The following UNC5D variants were observed in gnomAD, a reference collection of about 807,000 sequenced individuals.
UNC5D encodes the protein unc-5 netrin receptor D, also known as netrin receptor UNC5D.
A neutral mutation model predicts 105.4 loss-of-function variants in UNC5D; 39 were observed. The observed-to-expected ratio is 0.37, with a 90% CI of 0.29 to 0.48. UNC5D has a LOEUF of 0.48. Among genes scored for constraint, UNC5D ranks in the 20% least tolerant of loss-of-function variants. The pLI is 0.98. For synonymous variants in UNC5D, 452 were observed against 450.4 expected (o/e 1.00, Z -0.04); for missense variants, 991 against 1,202.4 (o/e 0.82, Z 2.60).
At chr8:35,291,543 A>G (rs1807068548) in intron 1 of UNC5D, among the ~76,000 whole-genome samples, 1 of 152,170 alleles carries the variant, frequency 6.6e-6, no homozygotes, top group South Asian at 2.1e-4. Context: ...GTAGAAAAAA[A>G]CTGAGCTGGA....
rs5890816 is a variant in UNC5D, at chr8:35,482,793, C to CTTTTTTTTTT, written c.104-66482_104-66473dup. Among the ~76,000 whole-genome samples, 8 of 78,144 alleles carry CTTTTTTTTTT rather than the reference C, an allele frequency of 1.0e-4. 1 individual carries two copies. The highest frequency in any genetic ancestry group is 1.9e-4 in the Non-Finnish European group (8 of 43,038). 51.3% of individuals were successfully genotyped at this position (78,144 alleles called of 152,430 possible). ...TATATCAGTGTGTCATTAAAGAGAT[C>CTTTTTTTTTT]TTTTTTTTTTTTTTTTTTTTTTTTT... is the stretch of plus-strand genomic sequence containing the variant. On this transcript the variant is annotated intron_variant, in intron 1 of 16. Transcript: ENST00000404895.
chr8:35,452,222 C>T (rs748933399), intron 1 of UNC5D, among the ~76,000 whole-genome samples: 40 of 152,034 alleles, frequency 2.6e-4, no homozygotes, highest in African/African-American at 7.5e-4. Context: ...AGTTTGTACA[C>T]GTGTATGTGT....
chr8:35,562,658 C>T (rs1036177545), intron 2 of UNC5D, among the ~76,000 whole-genome samples: 5 of 151,782 alleles, frequency 3.3e-5, no homozygotes, highest in Admixed American at 1.3e-4. Context: ...ATTTTTAAAT[C>T]TTTTGTTCTG....
chr8:35,402,712 T>C (rs1268428256), intron 1 of UNC5D, among the ~76,000 whole-genome samples: 1 of 152,152 alleles, frequency 6.6e-6, no homozygotes, highest in Non-Finnish European at 1.5e-5. Context: ...GATTCTGCAG[T>C]AGGATGCTTA....
intron 11 of UNC5D, among the ~76,000 whole-genome samples, chr8:35,746,514 A>G (rs1830014315): frequency 6.6e-6 from 1 of 152,172 alleles, no homozygotes; most frequent in Non-Finnish European, 1.5e-5. Context: ...CTCTGCACGT[A>G]AGGAAATGCC....
intron 1 of UNC5D, among the ~76,000 whole-genome samples, chr8:35,250,736 A>G (rs941482283): frequency 6.6e-6 from 1 of 152,080 alleles, no homozygotes; most frequent in Non-Finnish European, 1.5e-5. Flanking sequence ...ACCTCAGGCA[A>G]TCCGCCCGCC....
chr8:35,245,674 G>A (rs1445943923), intron 1 of UNC5D, among the ~76,000 whole-genome samples: 1 of 152,114 alleles, frequency 6.6e-6, no homozygotes, highest in African/African-American at 2.4e-5. Flanking sequence ...AACTTGCAAT[G>A]CACATCAGTC....
At chr8:35,256,832 G>A (rs1261839631) in intron 1 of UNC5D, among the ~76,000 whole-genome samples, 2 of 152,056 alleles carry the variant, frequency 1.3e-5, no homozygotes, top group East Asian at 1.9e-4. Flanking sequence ...CCCAGCTGTA[G>A]TTTGTTTTCC....
intron 1 of UNC5D, among the ~76,000 whole-genome samples, chr8:35,385,667 G>A (rs898738805): frequency 2.6e-5 from 4 of 151,842 alleles, no homozygotes; most frequent in Non-Finnish European, 5.9e-5. Context: ...GGGTTTCACC[G>A]TGTTAGCCAG....
At chr8:35,319,604 G>T (rs1809569263) in intron 1 of UNC5D, among the ~76,000 whole-genome samples, 1 of 152,080 alleles carries the variant, frequency 6.6e-6, no homozygotes, top group Non-Finnish European at 1.5e-5. Flanking sequence ...GGTTAGCAAA[G>T]AGAATCACTA....
At chr8:35,265,101 C>A (rs1336045343) in intron 1 of UNC5D, among the ~76,000 whole-genome samples, 1 of 152,156 alleles carries the variant, frequency 6.6e-6, no homozygotes, top group Non-Finnish European at 1.5e-5. Flanking sequence ...CAGTAACAGT[C>A]AAAGCAGGTT....
At chr8:35,609,668 G>A (rs1242644432) in intron 4 of UNC5D, among the ~76,000 whole-genome samples, 1 of 152,184 alleles carries the variant, frequency 6.6e-6, no homozygotes, top group Non-Finnish European at 1.5e-5. Context: ...ATTGGGAACT[G>A]TGTTTAGAAA....
At chr8:35,544,712 C>G (rs1387805313) in intron 1 of UNC5D, among the ~76,000 whole-genome samples, 1 of 140,122 alleles carries the variant, frequency 7.1e-6, no homozygotes, top group Non-Finnish European at 1.5e-5. Flanking sequence ...AAGTGATTTT[C>G]CAGCCTCAGC....
chr8:35,454,082 G>C (rs1327223696), intron 1 of UNC5D, among the ~76,000 whole-genome samples: 1 of 152,110 alleles, frequency 6.6e-6, no homozygotes, highest in Non-Finnish European at 1.5e-5. Flanking sequence ...CTGGTTTTGT[G>C]ATCTAACGTG....
intron 4 of UNC5D, among the ~76,000 whole-genome samples, chr8:35,683,136 C>T (rs1825779644): frequency 6.6e-6 from 1 of 152,120 alleles, no homozygotes; most frequent in Non-Finnish European, 1.5e-5. Context: ...AATATAATAT[C>T]CTCTCACACA....
At chr8:35,401,249 T>G (rs984389526) in intron 1 of UNC5D, among the ~76,000 whole-genome samples, 4 of 152,192 alleles carry the variant, frequency 2.6e-5, no homozygotes, top group Admixed American at 6.5e-5. Context: ...TTTGGGAGAC[T>G]GAGGTGGGAG....
chr8:35,398,548 T>C (rs1804243684), intron 1 of UNC5D, among the ~76,000 whole-genome samples: 1 of 151,974 alleles, frequency 6.6e-6, no homozygotes, highest in Non-Finnish European at 1.5e-5. Flanking sequence ...AAAAAGTGTC[T>C]CTTGTTTATT....
At chr8:35,463,437 G>A (rs1809046033) in intron 1 of UNC5D, among the ~76,000 whole-genome samples, 1 of 152,158 alleles carries the variant, frequency 6.6e-6, no homozygotes, top group Non-Finnish European at 1.5e-5. Context: ...TCTGAAGCCA[G>A]GCTACCTGAG....
At chr8:35,498,104 A>C (rs1299699433) in intron 1 of UNC5D, among the ~76,000 whole-genome samples, 117 of 134,852 alleles carry the variant, frequency 8.7e-4, no homozygotes, top group Admixed American at 2.7e-3. Context: ...AAAAAAAAAA[A>C]AAAAAAAGCG....
Sources: gnomAD v4.1 joint callset for allele counts (sites outside exome capture counted in the v4.1 genomes callset) on GRCh38, gnomAD v4.1.1 for gene constraint, MANE v1.5 for transcripts, NCBI Gene and HGNC (gene_info 2026-07-23, HGNC 2026-07-21) for gene names.